USH2A: variants seen among roughly 807,000 people sequenced by gnomAD.
USH2A encodes usherin, also known as Usher syndrome 2A (autosomal recessive, mild).
Under a neutral mutation model 538.9 loss-of-function variants are expected in USH2A, and 443 were observed. That is an observed-to-expected ratio of 0.82 (90% CI 0.76 to 0.89). USH2A has a LOEUF of 0.89. USH2A is among the 40% of genes least tolerant of loss of function. The pLI is 0.00. For missense variants in USH2A, 6,633 were observed against 6,324.8 expected (o/e 1.05, Z -1.65); for synonymous variants, 2,413 against 2,273.5 (o/e 1.06, Z -1.75).
At chr1:216,180,331 C>T (rs1044477362) in intron 20 of USH2A, among the ~76,000 whole-genome samples, 3 of 151,886 alleles carry the variant, frequency 2.0e-5, no homozygotes, top group African/African-American at 7.2e-5. Context: ...AATAAAAGTA[C>T]AAAATTCTTG....
chr1:215,731,219 C>T (rs765429530), intron 60 of USH2A, among the ~76,000 whole-genome samples: 1 of 152,072 alleles, frequency 6.6e-6, no homozygotes, highest in Non-Finnish European at 1.5e-5. Flanking sequence ...TTATGTTGGC[C>T]TCAAGTTTAT....
At chr1:216,275,595 T>C (rs1001537950) in intron 11 of USH2A, among the ~76,000 whole-genome samples, 2 of 152,086 alleles carry the variant, frequency 1.3e-5, no homozygotes, top group African/African-American at 2.4e-5. Context: ...GAGAGGAAGG[T>C]ATCCATCTGA....
In USH2A at chr1:216,251,442, C is replaced by CTTTTTT. The variant is rs779947689; in HGVS notation, c.1972-350_1972-345dup. Among the ~76,000 whole-genome samples the CTTTTTT allele has an allele frequency of 8.7e-5, 7 of 80,338 alleles. 1 individual carries two copies. The highest frequency in any genetic ancestry group is 4.5e-4 in the East Asian group (1 of 2,198). The allele number at this position is 80,338 out of a possible 152,430, so 52.7% of individuals were successfully genotyped here. A position where few individuals can be genotyped will look rare whatever the true frequency, so the allele number is the denominator to read the frequency against. On this transcript the variant is annotated intron_variant, in intron 11 of 71. Transcript: ENST00000307340. ...TTTAGTCTTTAGGACACCACTTCCC[C>CTTTTTT]TTTTTTTTTTTTTTTTTTTTTTTTT...
chr1:216,195,801 C>T (rs574127709), intron 19 of USH2A: 13 of 167,260 alleles, frequency 7.8e-5, no homozygotes, highest in African/African-American at 1.9e-4. Flanking sequence ...AGAACTTGTT[C>T]GGTTGACATC....
intron 4 of USH2A, among the ~76,000 whole-genome samples, chr1:216,338,432 T>C (rs1234801795): frequency 6.6e-6 from 1 of 151,482 alleles, no homozygotes; most frequent in Non-Finnish European, 1.5e-5. Flanking sequence ...AAATTAAATC[T>C]CTACCTCACA....
At chr1:216,020,878 AT>A (rs1668829826) in intron 32 of USH2A, among the ~76,000 whole-genome samples, 1 of 152,136 alleles carries the variant, frequency 6.6e-6, no homozygotes. Context: ...TAAGTAGAGC[AT>A]TTTCTTGAGT....
intron 32 of USH2A, among the ~76,000 whole-genome samples, chr1:216,043,464 T>C (rs2030375540): frequency 1.3e-5 from 2 of 152,056 alleles, no homozygotes; most frequent in African/African-American, 4.8e-5. Context: ...TGGAGATATA[T>C]TCTTTAAAAT....
At chr1:215,688,281 T>C (rs1658497870) in intron 61 of USH2A, among the ~76,000 whole-genome samples, 1 of 152,006 alleles carries the variant, frequency 6.6e-6, no homozygotes, top group South Asian at 2.1e-4. Flanking sequence ...AGCTGGGTGA[T>C]GGAGAGAAGA....
At chr1:215,663,057 G>C (rs1356981213) in intron 64 of USH2A, among the ~76,000 whole-genome samples, 2 of 152,192 alleles carry the variant, frequency 1.3e-5, no homozygotes, top group Non-Finnish European at 2.9e-5. Context: ...TTTCTGAGAA[G>C]AGAAATGGCA....
chr1:215,854,655 G>A (rs895047123), intron 44 of USH2A, among the ~76,000 whole-genome samples: 2 of 152,218 alleles, frequency 1.3e-5, no homozygotes, highest in Non-Finnish European at 2.9e-5. Context: ...CCACGGCAAA[G>A]TGCACGGAGC....
intron 11 of USH2A, among the ~76,000 whole-genome samples, chr1:216,257,695 A>G (rs552642861): frequency 1.3e-5 from 2 of 152,116 alleles, no homozygotes; most frequent in Admixed American, 1.3e-4. Flanking sequence ...CCAAGCCTCT[A>G]AAAGTTGTCC....
At chr1:216,350,404 G>C (rs1470648728) in intron 4 of USH2A, among the ~76,000 whole-genome samples, 1 of 152,036 alleles carries the variant, frequency 6.6e-6, no homozygotes, top group Non-Finnish European at 1.5e-5. Context: ...TCTCATCTGA[G>C]ACAAGGCAAT....
Position 215,883,762 on chromosome 1 carries a change from T to C in USH2A, c.8223+4664A>G, listed in dbSNP as rs191595721. Among the ~76,000 whole-genome samples, 126 of 152,302 alleles carry C rather than the reference T, an allele frequency of 8.3e-4. 4 individuals carry two copies. The highest frequency in any genetic ancestry group is 7.1e-3 in the Admixed American group (109 of 15,290). ...TGGTTCCAATGACCATTTGTCTTTT[T>C]CATGCCAATACCATATTATTATAAC... On this transcript the variant is annotated intron_variant, in intron 41 of 71. Coordinates refer to ENST00000307340, the MANE Select transcript of USH2A (RefSeq NM_206933.4).
intron 15 of USH2A, among the ~76,000 whole-genome samples, chr1:216,217,023 G>C (rs921134219): frequency 6.6e-6 from 1 of 151,944 alleles, no homozygotes; most frequent in Non-Finnish European, 1.5e-5. Flanking sequence ...AAATGTCTTT[G>C]TGTCGGTGAC....
intron 35 of USH2A, among the ~76,000 whole-genome samples, chr1:215,975,049 G>C (rs1659133295): frequency 1.3e-5 from 2 of 152,098 alleles, no homozygotes; most frequent in Non-Finnish European, 2.9e-5. Context: ...GGTGTGAGAT[G>C]GTACTCGTTG....
At chr1:216,159,349 A>G (rs997167651) in intron 21 of USH2A, among the ~76,000 whole-genome samples, 2 of 152,090 alleles carry the variant, frequency 1.3e-5, no homozygotes, top group African/African-American at 4.8e-5. Flanking sequence ...GTGTTCTTTC[A>G]TTACTAGTTT....
chr1:215,694,219 G>T (rs551909126), intron 61 of USH2A, among the ~76,000 whole-genome samples: 3 of 152,144 alleles, frequency 2.0e-5, no homozygotes, highest in South Asian at 4.1e-4. Flanking sequence ...TTACAAATTC[G>T]CAACTCATAC....
chr1:215,914,357 A>T (rs1238375040), intron 38 of USH2A, among the ~76,000 whole-genome samples: 2 of 152,064 alleles, frequency 1.3e-5, no homozygotes, highest in Non-Finnish European at 2.9e-5. Flanking sequence ...TTGGTCTAAA[A>T]TGGACTCTTC....
chr1:216,269,482 G>A (rs928696051), intron 11 of USH2A, among the ~76,000 whole-genome samples: 9 of 151,962 alleles, frequency 5.9e-5, no homozygotes, highest in Non-Finnish European at 7.4e-5. Flanking sequence ...GTGTGAAAAC[G>A]GACTAATACA....
Sources: gnomAD v4.1 joint callset for allele counts (sites outside exome capture counted in the v4.1 genomes callset) on GRCh38, gnomAD v4.1.1 for gene constraint, MANE v1.5 for transcripts, NCBI Gene and HGNC (gene_info 2026-07-23, HGNC 2026-07-21) for gene names.